The following IFT122 variants were observed in gnomAD, a reference collection of about 807,000 sequenced individuals.
IFT122 encodes the protein intraflagellar transport 122, also known as intraflagellar transport protein 122 homolog.
In IFT122, 118 loss-of-function variants were observed where a neutral mutation model predicts 161.6. The observed-to-expected ratio is 0.73, with a 90% CI of 0.63 to 0.85. The LOEUF (loss-of-function observed/expected upper bound fraction) is 0.85. Among genes scored for constraint, IFT122 ranks in the 40% least tolerant of loss-of-function variants. The probability of loss-of-function intolerance (pLI) is 0.00; values close to 1 mark genes in which losing one functional copy is unlikely to be tolerated. For synonymous variants in IFT122, 550 were observed against 602.4 expected, an observed-to-expected ratio of 0.91 and a Z score of 1.27; for missense variants, 1,381 against 1,579.6, an observed-to-expected ratio of 0.87 and a Z score of 2.13.
chr3:129,488,720 G>T (rs1170391037), intron 16 of IFT122, among the ~76,000 whole-genome samples: 1 of 152,060 alleles, frequency 6.6e-6, no homozygotes, highest in Non-Finnish European at 1.5e-5. Flanking sequence ...TGTTCTCTGT[G>T]GGAAGCACCT....
intron 1 of IFT122, among the ~76,000 whole-genome samples, chr3:129,441,374 C>G (rs1321526493): frequency 6.6e-6 from 1 of 152,180 alleles, no homozygotes; most frequent in East Asian, 1.9e-4. Context: ...GTGTTCGGCA[C>G]TAGTGGTAGC....
intron 2 of IFT122, among the ~76,000 whole-genome samples, 197 bp from the exon 3 acceptor site, chr3:129,451,717 A>G (rs775733657): frequency 3.3e-5 from 5 of 152,226 alleles, no homozygotes; most frequent in Admixed American, 6.5e-5. Flanking sequence ...CACATAGTAC[A>G]TAGACCTGGG....
chr3:129,504,186 G>A, intron 20 of IFT122, 133 bp from the exon 21 acceptor site: 1 of 737,018 alleles, frequency 1.4e-6, no homozygotes, highest in Non-Finnish European at 2.4e-6. Flanking sequence ...TAGTTTTTTG[G>A]GGGAGGCACT....
chr3:129,459,651 T>G (rs2075971583), intron 4 of IFT122, among the ~76,000 whole-genome samples: 1 of 113,790 alleles, frequency 8.8e-6, no homozygotes, highest in Non-Finnish European at 1.8e-5. Context: ...CCTCCCTCCC[T>G]TCTTCCTTCC....
At position 129,504,615 on chromosome 3, in the gene IFT122, T is replaced by G. The variant is rs897631817; in HGVS notation, c.2650+194T>G. Among the ~76,000 whole-genome samples the G allele has an allele frequency of 3.3e-5, 5 of 152,354 alleles. No individual in the cohort carries two copies. In the South Asian group the frequency reaches 6.2e-4, roughly 19 times the overall value. On this transcript the variant is annotated intron_variant, in intron 21 of 29. Transcript: ENST00000348417. ...CATTGGCCTTGGAGTCACACCCTCC[T>G]GGGCCACACTCACTTGCCACAGGCC...
intron 13 of IFT122, among the ~76,000 whole-genome samples, chr3:129,480,347 C>T (rs1405711491): frequency 2.0e-5 from 3 of 152,206 alleles, no homozygotes; most frequent in Non-Finnish European, 4.4e-5. Context: ...CCTCAAGATA[C>T]TGATAGATGT....
chr3:129,492,714 A>T (rs2080279700), intron 17 of IFT122, among the ~76,000 whole-genome samples: 1 of 151,544 alleles, frequency 6.6e-6, no homozygotes, highest in African/African-American at 2.4e-5. Flanking sequence ...GGCTGAGAAT[A>T]TTGACCTTGT....
chr3:129,481,683 C>G lies in IFT122; in HGVS notation c.1642C>G (p.Leu548Val), dbSNP rs768470050. 1.9e-6 allele frequency: 3 copies of G among 1,614,034 alleles called. No homozygotes were observed. Among genetic ancestry groups the G allele is most frequent in the Non-Finnish European group, 2.5e-6 (3 of 1,179,924 alleles). ...CLVYDIDTKE[L>V]LFQEPNANSV... ...GGTGTATGACATCGACACCAAGGAG[C>G]TGCTTTTTCAGGTGAAGTCCCTGAG... is the stretch of plus-strand genomic sequence containing the variant. The change falls in exon 14 of 30, where the codon CTG becomes GTG. Residue 548 changes from leucine to valine, a missense_variant. Physicochemically the swap from Leu to Val is conservative, Grantham distance 32 (BLOSUM62 1). Coordinates refer to ENST00000348417, the MANE Select transcript of IFT122 (RefSeq NM_052989.3).
At chr3:129,450,368 T>G (rs1478274990) in intron 2 of IFT122, among the ~76,000 whole-genome samples, 1 of 152,206 alleles carries the variant, frequency 6.6e-6, no homozygotes, top group East Asian at 1.9e-4. Context: ...TTGTCCTATT[T>G]TTCATATTTT....
At chr3:129,497,158 A>G (rs1234982680) in intron 18 of IFT122, among the ~76,000 whole-genome samples, 1 of 152,196 alleles carries the variant, frequency 6.6e-6, no homozygotes, top group Non-Finnish European at 1.5e-5. Context: ...AGTCCCAGCT[A>G]CTGGGAGGCT....
rs753285748 is a variant in IFT122, at chr3:129,502,882, G to A, written c.2547G>A (p.Glu849=). 1 of 1,609,204 alleles carries A rather than the reference G, an allele frequency of 6.2e-7. No homozygotes were observed. The highest frequency in any genetic ancestry group is 1.7e-4 in the Middle Eastern group (1 of 6,058). The part of the protein sequence containing the change: ...QLHVETQRWD[E]AFALGEKHPE... ...ACGTGGAGACCCAGCGCTGGGATGA[G>A]GTGAGGGGAAAGCAGGCCTCATGGG... Residue 849 remains glutamate, a splice_region_variant and synonymous_variant, in exon 20 of 30, where the codon GAG becomes GAA. Transcript: ENST00000348417.
At chr3:129,482,373 G>A (rs1306448051) in intron 14 of IFT122, among the ~76,000 whole-genome samples, 1 of 152,160 alleles carries the variant, frequency 6.6e-6, no homozygotes, top group Non-Finnish European at 1.5e-5. Context: ...CTCTCTTTAG[G>A]TCTTTGTAGG....
chr3:129,449,922 C>G lies in IFT122; in HGVS notation c.93C>G (p.Ala31=). The G allele has an allele frequency of 6.2e-7, 1 of 1,611,194 alleles. No homozygotes were observed. The highest frequency in any genetic ancestry group is 1.1e-5 in the South Asian group (1 of 91,022). The change falls in exon 2 of 30, where the codon GCC becomes GCG. Residue 31 remains alanine (A), a synonymous_variant. Coordinates refer to ENST00000348417, the MANE Select transcript of IFT122 (RefSeq NM_052989.3). ...ATGGAACTCAACTGATTTTGGCTGCCGGAAGCAGATTACTGGTAGGATTTT... is the reference window on the plus strand; with the variant it reads ...ATGGAACTCAACTGATTTTGGCTGCGGGAAGCAGATTACTGGTAGGATTTT... The part of the protein sequence containing the change: ...KPDGTQLILA[A]GSRLLVYDTS...
chr3:129,446,918 A>G (rs939134162), intron 1 of IFT122, among the ~76,000 whole-genome samples: 1 of 152,186 alleles, frequency 6.6e-6, no homozygotes, highest in African/African-American at 2.4e-5. Context: ...CTTCAGTAGT[A>G]ACCTTAACAA....
intron 14 of IFT122, among the ~76,000 whole-genome samples, chr3:129,482,251 C>T (rs3774768): frequency 0.24 from 35,986 of 152,176 alleles, 6,551 homozygotes; most frequent in East Asian, 0.49. Flanking sequence ...AGGCGTTGTT[C>T]AGTGGAGTCA....
rs755784546 is a variant in IFT122, at chr3:129,488,251, C to G, written c.1852-6C>G. 5.6e-6 allele frequency: 9 copies of G among 1,614,126 alleles called. No individual in the cohort carries two copies. Among genetic ancestry groups the G allele is most frequent in the South Asian group, 5.5e-5 (5 of 91,086 alleles). On this transcript the variant is annotated splice_polypyrimidine_tract_variant and splice_region_variant and intron_variant, in intron 15 of 29. Transcript: ENST00000348417. Reference sequence around the variant, plus strand: ...CTTCTTTTTTTCCCTTGATGAAATCCTGCAGTCCGCTCCCATGTACCAGTA... The same window carrying G: ...CTTCTTTTTTTCCCTTGATGAAATCGTGCAGTCCGCTCCCATGTACCAGTA...
chr3:129,445,328 A>AAAAAAC (rs199736837), intron 1 of IFT122, among the ~76,000 whole-genome samples: 1 of 152,110 alleles, frequency 6.6e-6, no homozygotes, highest in Admixed American at 6.5e-5. Flanking sequence ...TCCACCTCAA[A>AAAAAAC]AAAAACAAAA....
At chr3:129,489,682 A>G (rs2079797485) in intron 16 of IFT122, among the ~76,000 whole-genome samples, 1 of 152,090 alleles carries the variant, frequency 6.6e-6, no homozygotes, top group Non-Finnish European at 1.5e-5. Flanking sequence ...TACTAAAAAT[A>G]CAAAAAATTA....
At chr3:129,487,486 A>G (rs2079429672) in intron 15 of IFT122, 1 of 153,982 alleles carries the variant, frequency 6.5e-6, no homozygotes. Context: ...TTATAAACCT[A>G]AGAAAGAGAA....
Sources: gnomAD v4.1 joint callset for allele counts (sites outside exome capture counted in the v4.1 genomes callset) on GRCh38, gnomAD v4.1.1 for gene constraint, MANE v1.5 for transcripts, NCBI Gene and HGNC (gene_info 2026-07-23, HGNC 2026-07-21) for gene names.